FABP7: variants seen among roughly 807,000 people sequenced by gnomAD.
FABP7 encodes fatty acid binding protein 7.
A neutral mutation model predicts 14.2 loss-of-function variants in FABP7; 13 were observed. The observed-to-expected ratio is 0.91, with a 90% CI of 0.59 to 1.45. The LOEUF is 1.45. FABP7 is among the 40% of genes most tolerant of loss of function. The pLI is 0.00. For synonymous variants in FABP7, 49 were observed against 51.4 expected, an observed-to-expected ratio of 0.95 and a Z score of 0.20; for missense variants, 149 against 157.6, an observed-to-expected ratio of 0.95 and a Z score of 0.29.
At chr6:122,753,678 C>T in the FABP7 span, among the ~76,000 whole-genome samples, 2 of 151,570 alleles carry the variant, frequency 1.3e-5, no homozygotes, top group Admixed American at 6.6e-5. Flanking sequence ...AACAAAAGAA[C>T]GAAAGCAGGG....
chr6:122,781,507 T>C (rs762256414), intron 3 of FABP7: 2 of 1,341,144 alleles, frequency 1.5e-6, no homozygotes, highest in Non-Finnish European at 9.5e-7. Context: ...ACTATGGATG[T>C]CTCTCAAATA....
the FABP7 span, among the ~76,000 whole-genome samples, chr6:122,764,254 T>C: frequency 1.3e-5 from 2 of 152,136 alleles, no homozygotes; most frequent in Non-Finnish European, 2.9e-5. Context: ...TGGATGAAGC[T>C]GGAAGCCATT....
the FABP7 span, among the ~76,000 whole-genome samples, chr6:122,755,246 G>A: frequency 1.3e-5 from 2 of 151,940 alleles, no homozygotes; most frequent in East Asian, 3.9e-4. Context: ...CTCAACCCTA[G>A]CAAAATTCAT....
In FABP7 at chr6:122,780,523, T is replaced by C. The variant is rs114905116; in HGVS notation, c.246+60T>C. On this transcript the variant is annotated intron_variant, in intron 2 of 3. Coordinates refer to ENST00000368444, the MANE Select transcript of FABP7 (RefSeq NM_001446.5). ...GGAGAGGGGAATAAAGATAAAGATTTCCAATGCATGTTTTTTTTAAGATGT... is the reference window on the plus strand; with the variant it reads ...GGAGAGGGGAATAAAGATAAAGATTCCCAATGCATGTTTTTTTTAAGATGT... 1,124 of 1,508,916 alleles carry C rather than the reference T, an allele frequency of 7.4e-4. 10 individuals carry two copies. In the African/African-American group the frequency reaches 0.013, roughly 18 times the overall value. The allele number at this position is 1,508,916 out of a possible 1,614,324, so 93.5% of individuals were successfully genotyped here. A position where few individuals can be genotyped will look rare whatever the true frequency, so the allele number is the denominator to read the frequency against.
chr6:122,751,281 C>T, the FABP7 span, among the ~76,000 whole-genome samples: 4 of 152,282 alleles, frequency 2.6e-5, no homozygotes, highest in South Asian at 2.1e-4. Context: ...TGTTAATATA[C>T]GTAAACTACA....
At chr6:122,776,188 A>G (rs1300611741), upstream of FABP7, among the ~76,000 whole-genome samples, 1 of 152,172 alleles carries the variant, frequency 6.6e-6, no homozygotes, top group Non-Finnish European at 1.5e-5. Context: ...TATCCAAAAG[A>G]AAGAAAATCA....
the FABP7 span, among the ~76,000 whole-genome samples, chr6:122,752,023 C>T: frequency 4.6e-5 from 7 of 152,160 alleles, no homozygotes; most frequent in African/African-American, 1.4e-4. Context: ...AACCCAAATG[C>T]TTTGACTTCT....
chr6:122,760,057 T>G, the FABP7 span, among the ~76,000 whole-genome samples: 7 of 151,630 alleles, frequency 4.6e-5, no homozygotes, highest in African/African-American at 1.7e-4. Flanking sequence ...AGGCGGAGGT[T>G]GCCACTGCAC....
chr6:122,781,079 G>T lies in FABP7; in HGVS notation c.247-14G>T, dbSNP rs367931922. Reference sequence around the variant, plus strand: ...TATTTATTGCTATGTTCTGCATTTTGTTGTTGGTCTCAGTCTGTTGTTAGC... The same window carrying T: ...TATTTATTGCTATGTTCTGCATTTTTTTGTTGGTCTCAGTCTGTTGTTAGC... On this transcript the variant is annotated splice_polypyrimidine_tract_variant and intron_variant, in intron 2 of 3. Coordinates refer to ENST00000368444, the MANE Select transcript of FABP7 (RefSeq NM_001446.5). 5.0e-6 allele frequency: 8 copies of T among 1,606,080 alleles called. No homozygotes were observed. The Admixed American group carries it at 1.3e-4, about 27-fold the overall frequency.
At chr6:122,771,848 T>C in the FABP7 span, among the ~76,000 whole-genome samples, 1 of 152,156 alleles carries the variant, frequency 6.6e-6, no homozygotes, top group Non-Finnish European at 1.5e-5. Flanking sequence ...AAATTCTTAT[T>C]TTTTGACCCT....
chr6:122,751,047 T>C, the FABP7 span, among the ~76,000 whole-genome samples: 1 of 152,240 alleles, frequency 6.6e-6, no homozygotes, highest in Admixed American at 6.5e-5. Flanking sequence ...AATTTAGGTA[T>C]GCAATAAAAT....
the FABP7 span, among the ~76,000 whole-genome samples, chr6:122,761,668 TA>T: frequency 2.6e-5 from 4 of 152,236 alleles, no homozygotes; most frequent in South Asian, 4.2e-4. Flanking sequence ...ACAGCTATCT[TA>T]AGGAGAGCAA....
At chr6:122,766,850 C>T in the FABP7 span, among the ~76,000 whole-genome samples, 14 of 151,966 alleles carry the variant, frequency 9.2e-5, no homozygotes, top group East Asian at 5.8e-4. Flanking sequence ...ATTAATTGCA[C>T]GTTTTATGAT....
At chr6:122,770,427 A>G in the FABP7 span, among the ~76,000 whole-genome samples, 308 of 152,234 alleles carry the variant, frequency 2.0e-3, 4 homozygotes, top group African/African-American at 7.1e-3. Flanking sequence ...CACCATTTCC[A>G]CGATCATCAG....
At chr6:122,782,763 T>C (rs1780824861) in intron 3 of FABP7, 3 of 985,402 alleles carry the variant, frequency 3.0e-6, no homozygotes, top group Non-Finnish European at 3.6e-6. Flanking sequence ...ATCAGCACTG[T>C]TCTGCATTGA....
At chr6:122,765,304 G>T in the FABP7 span, among the ~76,000 whole-genome samples, 118,228 of 151,980 alleles carry the variant, frequency 0.78, 48,667 homozygotes, top group Non-Finnish European at 0.9. Context: ...CTGCTAGAAT[G>T]AGAAAGTTTA....
At chr6:122,753,075 G>A in the FABP7 span, among the ~76,000 whole-genome samples, 2 of 152,288 alleles carry the variant, frequency 1.3e-5, no homozygotes, top group East Asian at 1.9e-4. Flanking sequence ...AAAAAATTCT[G>A]TCTGCGAGAC....
the FABP7 span, among the ~76,000 whole-genome samples, chr6:122,772,299 C>T: frequency 6.6e-6 from 1 of 151,896 alleles, no homozygotes; most frequent in African/African-American, 2.4e-5. Flanking sequence ...TATGTCAGAT[C>T]TAGAAGCAGG....
At chr6:122,755,008 C>CT in the FABP7 span, among the ~76,000 whole-genome samples, 74 of 148,510 alleles carry the variant, frequency 5.0e-4, no homozygotes, top group Admixed American at 8.7e-4. Context: ...CTAACAATCA[C>CT]TTTTTTTTTT....
Sources: allele counts gnomAD v4.1 joint callset (sites outside exome capture counted in the v4.1 genomes callset), GRCh38; gene constraint gnomAD v4.1.1; transcripts MANE v1.5; gene names NCBI Gene and HGNC (gene_info 2026-07-23, HGNC 2026-07-21).